The following ATP2C1 variants were observed in gnomAD, a reference collection of about 807,000 sequenced individuals.
ATP2C1 encodes the protein ATPase secretory pathway Ca2+ transporting 1.
A neutral mutation model predicts 120.5 loss-of-function variants in ATP2C1; 31 were observed. That is an observed-to-expected ratio of 0.26 (90% CI 0.19 to 0.35). The LOEUF (loss-of-function observed/expected upper bound fraction) is 0.35, where lower values mean the gene tolerates loss of function less well. Ranked by LOEUF, ATP2C1 falls within the 10% of genes least tolerant of loss-of-function variation. The probability of loss-of-function intolerance (pLI) is 1.00; values close to 1 mark genes in which losing one functional copy is unlikely to be tolerated. For synonymous variants in ATP2C1, 351 were observed against 358.7 expected, an observed-to-expected ratio of 0.98 and a Z score of 0.24; for missense variants, 731 against 1,107.5, an observed-to-expected ratio of 0.66 and a Z score of 4.83.
At chr3:130,990,183 T>C (rs2062253886) in intron 20 of ATP2C1, among the ~76,000 whole-genome samples, 2 of 151,790 alleles carry the variant, frequency 1.3e-5, no homozygotes, top group African/African-American at 4.8e-5. Context: ...TTTGTCTTTA[T>C]AGAGCGCTGT....
chr3:130,939,062 A>C (rs1269464080), intron 6 of ATP2C1, among the ~76,000 whole-genome samples: 3 of 152,192 alleles, frequency 2.0e-5, no homozygotes, highest in Non-Finnish European at 4.4e-5. Flanking sequence ...CCTAGTTTCA[A>C]ATTGCTAGGT....
chr3:130,964,025 A>G lies in ATP2C1; in HGVS notation c.954A>G (p.Leu318=), dbSNP rs2060942875. Residue 318 remains leucine, a synonymous_variant, in exon 13 of 28, where the codon CTA becomes CTG. Coordinates refer to ENST00000510168, the MANE Select transcript of ATP2C1 (RefSeq NM_001378687.1). ...TCCCCATTGTGGTCACAGTGACGCT[A>G]GCTCTTGGTGTTATGAGAATGGTGA... ...EGLPIVVTVT[L]ALGVMRMVKK... The G allele has an allele frequency of 1.9e-6, 3 of 1,612,732 alleles. No individual in the cohort carries two copies. The highest frequency in any genetic ancestry group is 2.5e-6 in the Non-Finnish European group (3 of 1,179,046).
chr3:130,907,347 T>C (rs1035071415), intron 2 of ATP2C1, among the ~76,000 whole-genome samples: 2 of 152,114 alleles, frequency 1.3e-5, no homozygotes, highest in Non-Finnish European at 2.9e-5. Flanking sequence ...GTTTGTGCTT[T>C]ATATATCTAG....
In ATP2C1 at chr3:130,997,620, C is replaced by G. The variant is rs2062691752; in HGVS notation, c.2258C>G (p.Pro753Arg). The change falls in exon 25 of 28, where the codon CCA (proline) becomes CGA (arginine). Residue 753 changes from proline (P) to arginine (R), a missense_variant. By Grantham distance (103) the Pro-to-Arg change is moderately radical. Coordinates refer to ENST00000510168, the MANE Select transcript of ATP2C1 (RefSeq NM_001378687.1). ...TTGTTTTTAAGCCTTGGAGTAGAAC[C>G]AGTGGATAAAGATGTCATTCGTAAA... ...GPPAQSLGVE[P>R]VDKDVIRKPP... The G allele has an allele frequency of 6.2e-7, 1 of 1,613,158 alleles. No individual in the cohort carries two copies. Among genetic ancestry groups the G allele is most frequent in the Non-Finnish European group, 8.5e-7 (1 of 1,179,636 alleles).
chr3:130,888,713 G>A (rs2069062799), intron 1 of ATP2C1, among the ~76,000 whole-genome samples: 1 of 152,138 alleles, frequency 6.6e-6, no homozygotes, highest in African/African-American at 2.4e-5. Flanking sequence ...TATGGGGAAG[G>A]GGTGGTGTCT....
intron 17 of ATP2C1, among the ~76,000 whole-genome samples, chr3:130,970,402 A>AC (rs1341842729): frequency 6.7e-6 from 1 of 149,942 alleles, no homozygotes; most frequent in Non-Finnish European, 1.5e-5. Context: ...ACACACACAC[A>AC]CACACCCTTA....
At chr3:130,914,689 G>A (rs1559915976) in intron 2 of ATP2C1, among the ~76,000 whole-genome samples, 1 of 152,174 alleles carries the variant, frequency 6.6e-6, no homozygotes, top group Non-Finnish European at 1.5e-5. Context: ...GGAAGTTGAA[G>A]CAAGGAATTA....
chr3:131,001,401 A>G lies in ATP2C1; in HGVS notation c.*51A>G, dbSNP rs1015015811. 1.2e-6 allele frequency: 2 copies of G among 1,601,014 alleles called. No homozygotes were observed. The highest frequency in any genetic ancestry group is 1.7e-6 in the Non-Finnish European group (2 of 1,173,228). On this transcript the variant is annotated 3_prime_UTR_variant, in exon 28 of 28. Coordinates refer to ENST00000510168, the MANE Select transcript of ATP2C1 (RefSeq NM_001378687.1). ...AACTAGGAATTGCAGTCTGAGGATC[A>G]TTTAGAAGGGCAAGTTCAAGAGGAT...
intron 2 of ATP2C1, among the ~76,000 whole-genome samples, chr3:130,927,021 A>G (rs950580756): frequency 2.0e-5 from 3 of 152,172 alleles, no homozygotes; most frequent in African/African-American, 7.2e-5. Flanking sequence ...TGCTTGCCAC[A>G]TCAGATCCTT....
chr3:131,015,921 T>C (rs2063604468), intron 26 of ATP2C1: 1 of 674,748 alleles, frequency 1.5e-6, no homozygotes, highest in Non-Finnish European at 2.6e-6. Context: ...TAAAATTGGA[T>C]TGAATCATGG....
At chr3:130,990,322 T>G (rs1480629955) in intron 20 of ATP2C1, among the ~76,000 whole-genome samples, 1 of 127,016 alleles carries the variant, frequency 7.9e-6, no homozygotes, top group African/African-American at 2.9e-5. Context: ...GAGAGGGAGA[T>G]TGAAATTTTT....
intron 2 of ATP2C1, among the ~76,000 whole-genome samples, chr3:130,899,202 A>T (rs1207340115): frequency 6.6e-6 from 1 of 152,168 alleles, no homozygotes; most frequent in Non-Finnish European, 1.5e-5. Flanking sequence ...ACCCTTGAAC[A>T]ATGTGGGGGT....
chr3:130,976,483 A>T lies in ATP2C1; in HGVS notation c.1570+995A>T, dbSNP rs769265743. On this transcript the variant is annotated intron_variant, in intron 18 of 27. Coordinates refer to ENST00000510168, the MANE Select transcript of ATP2C1 (RefSeq NM_001378687.1). ...TATGGGCTGTATTGTGACCATCTTA[A>T]CACTTCATCCCCTGTCTCCAAGGAA... Among the ~76,000 whole-genome samples, 55 of 152,148 alleles carry T rather than the reference A, an allele frequency of 3.6e-4. 1 individual carries two copies. Among genetic ancestry groups the T allele is most frequent in the Non-Finnish European group, 5.0e-4 (34 of 68,030 alleles).
intron 17 of ATP2C1, among the ~76,000 whole-genome samples, chr3:130,974,034 T>C (rs1344184113): frequency 6.6e-6 from 1 of 152,070 alleles, no homozygotes; most frequent in East Asian, 1.9e-4. Flanking sequence ...CAATTAGAAA[T>C]GGAAAGAAGA....
At chr3:130,905,605 C>T (rs1246140621) in intron 2 of ATP2C1, among the ~76,000 whole-genome samples, 1 of 152,014 alleles carries the variant, frequency 6.6e-6, no homozygotes, top group Non-Finnish European at 1.5e-5. Flanking sequence ...TCTTTTCATC[C>T]CTGCCTAAGG....
At chr3:130,883,817 T>G (rs2107829318) in intron 1 of ATP2C1, among the ~76,000 whole-genome samples, 1 of 152,314 alleles carries the variant, frequency 6.6e-6, no homozygotes, top group African/African-American at 2.4e-5. Context: ...TAGTTATAGC[T>G]ATAAACTTCC....
chr3:130,969,374 A>G lies in ATP2C1; in HGVS notation c.1391A>G (p.Lys464Arg). The change falls in exon 17 of 28, where the codon AAG becomes AGG. Residue 464 changes from lysine to arginine, a missense_variant. Around this residue, in one of 3 missense-constraint regions of ATP2C1, gnomAD observed 571 missense variants for 845.9 expected, o/e 0.67. Transcript: ENST00000510168. ...FSSEQKWMAVKCVHRTQQDRP... is the reference protein window; with the variant it reads ...FSSEQKWMAVRCVHRTQQDRP... The stretch of plus-strand genomic sequence containing the variant: ...TCTGAGCAAAAGTGGATGGCTGTTA[A>G]GTGTGTACACCGAACACAGCAGGTA... 6.2e-7 allele frequency: 1 copy of G among 1,613,686 alleles called. No homozygotes were observed. The highest frequency in any genetic ancestry group is 8.5e-7 in the Non-Finnish European group (1 of 1,179,650).
At chr3:131,016,258 G>A (rs2063628962) in exon 27 of ATP2C1, 2 of 1,614,042 alleles carry the variant, frequency 1.2e-6, no homozygotes, top group Admixed American at 1.7e-5. Context: ...GTCCAGTCTT[G>A]TGCCCAGCCG....
chr3:130,977,033 G>A (rs1249799152), intron 18 of ATP2C1, among the ~76,000 whole-genome samples: 2 of 152,144 alleles, frequency 1.3e-5, no homozygotes, highest in Non-Finnish European at 2.9e-5. Context: ...TTCCACCTCA[G>A]CTAGGGAAAG....
Sources: gnomAD v4.1 joint callset for allele counts (sites outside exome capture counted in the v4.1 genomes callset) on GRCh38, gnomAD v4.1.1 for gene constraint, gnomAD v4.1.1 regional missense constraint, MANE v1.5 for transcripts, NCBI Gene and HGNC (gene_info 2026-07-23, HGNC 2026-07-21) for gene names.